Variants in DNA2 observed in about 807,000 individuals in gnomAD.
DNA2 encodes the protein DNA replication helicase/nuclease 2, also known as DNA replication ATP-dependent helicase/nuclease DNA2.
In DNA2, 101 loss-of-function variants were observed where a neutral mutation model predicts 119.1. The observed-to-expected ratio is 0.85, with a 90% CI of 0.72 to 1.00. The LOEUF (loss-of-function observed/expected upper bound fraction) is 1.00. DNA2 is among the 50% of genes least tolerant of loss of function. The pLI, the probability that DNA2 is intolerant of heterozygous loss-of-function variation, is 0.00. For missense variants in DNA2, 1,121 were observed against 1,255.5 expected (o/e 0.89, Z 1.62); for synonymous variants, 366 against 424.4 (o/e 0.86, Z 1.69).
chr10:68,462,884 T>C (rs953339732), intron 4 of DNA2, among the ~76,000 whole-genome samples: 1 of 152,166 alleles, frequency 6.6e-6, no homozygotes, highest in Admixed American at 6.6e-5. Flanking sequence ...ATCCCAGCAC[T>C]TTGGGAGGCC....
At chr10:68,446,441 C>G (rs1324856469) in intron 6 of DNA2, 28 bp from the exon 7 acceptor site, 2 of 1,343,692 alleles carry the variant, frequency 1.5e-6, no homozygotes, top group African/African-American at 1.5e-5. Flanking sequence ...TTTGCTCAAA[C>G]AAAACTATAA....
intron 2 of DNA2, 91 bp from the exon 3 acceptor site, chr10:68,468,397 T>C: frequency 1.2e-6 from 1 of 830,602 alleles, no homozygotes; most frequent in Middle Eastern, 4.0e-4. Context: ...TAAATGAGTA[T>C]TTTATCTGAA....
intron 14 of DNA2, among the ~76,000 whole-genome samples, chr10:68,423,664 C>T (rs143564093): frequency 6.6e-6 from 1 of 152,220 alleles, no homozygotes; most frequent in Non-Finnish European, 1.5e-5. Flanking sequence ...CCCCACCAGG[C>T]GGGTGTCAGA....
chr10:68,466,884 A>C (rs2133447525), intron 3 of DNA2, among the ~76,000 whole-genome samples: 1 of 151,870 alleles, frequency 6.6e-6, no homozygotes, highest in South Asian at 2.1e-4. Flanking sequence ...CGGTCCAAAA[A>C]GTTTTTTAAA....
chr10:68,463,886 A>T (rs1302037675), intron 4 of DNA2, among the ~76,000 whole-genome samples: 4 of 152,174 alleles, frequency 2.6e-5, no homozygotes, highest in Non-Finnish European at 5.9e-5. Context: ...CAGCCCTCTG[A>T]GAGAGCCAGT....
intron 8 of DNA2, among the ~76,000 whole-genome samples, chr10:68,443,691 A>G (rs2052000130): frequency 1.3e-5 from 2 of 152,192 alleles, no homozygotes; most frequent in African/African-American, 4.8e-5. Context: ...GCTCATGCCT[A>G]TAATTCTAGC....
In DNA2 at chr10:68,468,258, G is replaced by T. The variant is rs775904991; in HGVS notation, c.306C>A (p.Asp102Glu). ...EPGDIIHLEG[D>E]CTSDTWIIDK... ...CTATTATCCAAGTGTCAGATGTGCA[G>T]TCTCCCTCCAAATGAATGATATCTC... Residue 102 changes from aspartate (D) to glutamate (E), a missense_variant, in exon 3 of 21, where the codon GAC (aspartate) becomes GAA (glutamate). Coordinates refer to ENST00000358410, the MANE Select transcript of DNA2 (RefSeq NM_001080449.3). 6.2e-7 allele frequency: 1 copy of T among 1,610,022 alleles called. No homozygotes were observed. The highest frequency in any genetic ancestry group is 1.1e-5 in the South Asian group (1 of 89,714).
upstream of DNA2, chr10:68,472,071 G>T (rs1269785968): frequency 1.3e-6 from 2 of 1,586,250 alleles, no homozygotes; most frequent in South Asian, 2.3e-5. Flanking sequence ...GCAGGGCTCT[G>T]TCCCCTGCCT....
chr10:68,421,152 G>A (rs2051659805), intron 17 of DNA2, among the ~76,000 whole-genome samples: 2 of 148,008 alleles, frequency 1.4e-5, no homozygotes, highest in Admixed American at 1.4e-4. Context: ...GGTCAGGCTG[G>A]TCTCGAACTC....
intron 12 of DNA2, 30 bp from the exon 13 acceptor site, chr10:68,432,001 AAG>A: frequency 1.3e-6 from 2 of 1,499,470 alleles, no homozygotes; most frequent in East Asian, 2.3e-5. Context: ...TAACAGGAAA[AAG>A]AGTGTTGAAT....
rs772683453 is a variant in DNA2, at chr10:68,442,828, C to T, written c.1415+89G>A. ...AAATCACGTTATCTATAACATGCTT[C>T]ATAACTTGTATTTGTCATAAATTCC... On this transcript the variant is annotated intron_variant, in intron 9 of 20. Transcript: ENST00000358410. The T allele has an allele frequency of 3.6e-6, 4 of 1,102,528 alleles. No individual in the cohort carries two copies. The South Asian group carries it at 6.6e-5, about 18-fold the overall frequency. 68.3% of individuals were successfully genotyped at this position (1,102,528 alleles called of 1,614,324 possible). A position where few individuals can be genotyped will look rare whatever the true frequency, so the allele number is the denominator to read the frequency against.
chr10:68,450,250 G>GAAA lies in DNA2; in HGVS notation c.720-6_720-4dup, dbSNP rs34191745. The GAAA allele has an allele frequency of 1.3e-5, 16 of 1,252,162 alleles. No individual in the cohort carries two copies. The African/African-American group carries it at 1.4e-4, about 11-fold the overall frequency. 77.6% of individuals were successfully genotyped at this position (1,252,162 alleles called of 1,614,324 possible). On this transcript the variant is annotated splice_polypyrimidine_tract_variant and splice_region_variant and intron_variant, in intron 5 of 20. Transcript: ENST00000358410. ...TATCCTTACTATTATCACTTGGCCT[G>GAAA]AAAAAAAAAAAAGCACAAAAACACT...
At chr10:68,449,500 G>T (rs1168964497) in intron 6 of DNA2, among the ~76,000 whole-genome samples, 1 of 152,124 alleles carries the variant, frequency 6.6e-6, no homozygotes, top group Non-Finnish European at 1.5e-5. Flanking sequence ...AAAAGGCTGG[G>T]TGCAAGTGGC....
At chr10:68,446,462 T>G (rs945306485) in intron 6 of DNA2, 49 bp from the exon 7 acceptor site, 4 of 1,126,398 alleles carry the variant, frequency 3.6e-6, no homozygotes, top group African/African-American at 1.6e-5. Context: ...CTTCTTGTAT[T>G]TCCTTACATT....
chr10:68,458,183 A>AG (rs2052210565), intron 5 of DNA2, among the ~76,000 whole-genome samples: 1 of 151,914 alleles, frequency 6.6e-6, no homozygotes, highest in Admixed American at 6.6e-5. Flanking sequence ...AAAAAAAAAA[A>AG]GAATCAAATG....
chr10:68,468,295 G>A lies in DNA2; in HGVS notation c.269C>T (p.Pro90Leu). The A allele has an allele frequency of 6.3e-7, 1 of 1,579,364 alleles. No homozygotes were observed. The highest frequency in any genetic ancestry group is 1.7e-4 in the Middle Eastern group (1 of 5,878). The change falls in exon 3 of 21, where the codon CCA (proline) becomes CTA (leucine). Residue 90 changes from proline to leucine, a missense_variant. Physicochemically the swap from Pro to Leu is moderately conservative, Grantham distance 98. Transcript: ENST00000358410. Reference sequence around the variant, plus strand: ...ATGAATGATATCTCCTGGCTCTACTGGAACAGAACACCTGAAAATAAAGCA... The same window carrying A: ...ATGAATGATATCTCCTGGCTCTACTAGAACAGAACACCTGAAAATAAAGCA... ...CILRNDWCSVPVEPGDIIHLE... is the reference protein window; with the variant it reads ...CILRNDWCSVLVEPGDIIHLE...
intron 6 of DNA2, among the ~76,000 whole-genome samples, chr10:68,446,762 CACTT>C (rs2052045660): frequency 6.6e-6 from 1 of 152,060 alleles, no homozygotes; most frequent in Non-Finnish European, 1.5e-5. Flanking sequence ...TGTATGTTCT[CACTT>C]ACTTGTGGGA....
intron 19 of DNA2, among the ~76,000 whole-genome samples, chr10:68,418,410 T>C (rs1348649022): frequency 2.5e-5 from 3 of 117,918 alleles, no homozygotes; most frequent in African/African-American, 9.8e-5. Flanking sequence ...AAACGCCGTC[T>C]CAAAAAAAAA....
chr10:68,418,667 C>T (rs564191636), intron 19 of DNA2, among the ~76,000 whole-genome samples: 81 of 141,378 alleles, frequency 5.7e-4, no homozygotes, highest in Non-Finnish European at 8.9e-4. Flanking sequence ...TGTTAAACCG[C>T]AATTTTTTTT....
Sources: gnomAD v4.1 joint callset for allele counts (sites outside exome capture counted in the v4.1 genomes callset) on GRCh38, gnomAD v4.1.1 for gene constraint, MANE v1.5 for transcripts, NCBI Gene and HGNC (gene_info 2026-07-23, HGNC 2026-07-21) for gene names.